Variants in BAZ2B observed in about 807,000 individuals in gnomAD.
BAZ2B encodes bromodomain adjacent to zinc finger domain protein 2B.
In BAZ2B, 91 loss-of-function variants were observed where a neutral mutation model predicts 246.0. The observed-to-expected ratio is 0.37, with a 90% CI of 0.31 to 0.44. The LOEUF is 0.44. Ranked by LOEUF, BAZ2B falls within the 20% of genes least tolerant of loss-of-function variation. The pLI, the probability that BAZ2B is intolerant of heterozygous loss-of-function variation, is 1.00. For synonymous variants in BAZ2B, 855 were observed against 860.0 expected (o/e 0.99, Z 0.10); for missense variants, 2,332 against 2,533.7 (o/e 0.92, Z 1.71).
intron 2 of BAZ2B, among the ~76,000 whole-genome samples, chr2:159,524,922 T>A (rs764511686): frequency 3.9e-4 from 60 of 151,900 alleles, no homozygotes; most frequent in Non-Finnish European, 7.7e-4. Flanking sequence ...ATAAAATAAA[T>A]ACATGGTAGT....
intron 1 of BAZ2B, among the ~76,000 whole-genome samples, chr2:159,593,509 C>T (rs4665089): frequency 0.24 from 36,621 of 152,120 alleles, 5,615 homozygotes; most frequent in Admixed American, 0.38. Flanking sequence ...CACTTATCCA[C>T]ATTTTCACTG....
chr2:159,581,375 C>A (rs1425774787), intron 1 of BAZ2B, among the ~76,000 whole-genome samples: 1 of 152,150 alleles, frequency 6.6e-6, no homozygotes, highest in Middle Eastern at 3.2e-3. Context: ...CTATGAGATA[C>A]CATCTCATGC....
At chr2:159,582,308 A>C (rs911568548) in intron 1 of BAZ2B, among the ~76,000 whole-genome samples, 1 of 152,240 alleles carries the variant, frequency 6.6e-6, no homozygotes, top group African/African-American at 2.4e-5. Flanking sequence ...AAGGGAATAT[A>C]TTTACTTTAT....
At chr2:159,688,749 G>C in the BAZ2B span, among the ~76,000 whole-genome samples, 1 of 152,090 alleles carries the variant, frequency 6.6e-6, no homozygotes, top group East Asian at 1.9e-4. Context: ...TCATGACCTT[G>C]ACATTTTTGA....
At chr2:159,361,956 G>T (rs1001423646) in intron 27 of BAZ2B, among the ~76,000 whole-genome samples, 3 of 151,732 alleles carry the variant, frequency 2.0e-5, no homozygotes, top group South Asian at 2.1e-4. Context: ...GGCCTGTCGG[G>T]GGGGTGAGGG....
intron 6 of BAZ2B, among the ~76,000 whole-genome samples, chr2:159,443,054 T>C (rs541519030): frequency 6.6e-6 from 1 of 152,334 alleles, no homozygotes; most frequent in African/African-American, 2.4e-5. Context: ...TACCCAGAAG[T>C]AGAATTGCAG....
chr2:159,509,896 T>TACTAGTGTATGTATACAC (rs1438131020), intron 2 of BAZ2B, among the ~76,000 whole-genome samples: 1 of 152,122 alleles, frequency 6.6e-6, no homozygotes, highest in African/African-American at 2.4e-5. Context: ...CATTTATACA[T>TACTAGTGTATGTATACAC]ACTAGTGTGT....
intron 31 of BAZ2B, among the ~76,000 whole-genome samples, chr2:159,340,593 C>T (rs772924411): frequency 4.6e-5 from 7 of 151,696 alleles, no homozygotes; most frequent in Non-Finnish European, 1.0e-4. Context: ...CAGCAGAAAC[C>T]TTGTAGGCCA....
chr2:159,700,602 C>T, the BAZ2B span, among the ~76,000 whole-genome samples: 185 of 152,238 alleles, frequency 1.2e-3, 1 homozygote, highest in Non-Finnish European at 9.1e-4. Flanking sequence ...CGTGCCACCA[C>T]GCCTGGCTAA....
chr2:159,582,066 A>T (rs1686939247), intron 1 of BAZ2B, among the ~76,000 whole-genome samples: 1 of 150,492 alleles, frequency 6.6e-6, no homozygotes, highest in African/African-American at 2.4e-5. Flanking sequence ...CTTAAAGTAT[A>T]AAAAAAATGC....
chr2:159,543,281 C>T (rs1018606122), intron 2 of BAZ2B, among the ~76,000 whole-genome samples: 2 of 151,900 alleles, frequency 1.3e-5, no homozygotes, highest in Admixed American at 1.3e-4. Context: ...TTTTTGTTTG[C>T]AGAAGTATGA....
At chr2:159,331,158 T>C (rs1387305383) in intron 34 of BAZ2B, among the ~76,000 whole-genome samples, 1 of 152,004 alleles carries the variant, frequency 6.6e-6, no homozygotes, top group Non-Finnish European at 1.5e-5. Flanking sequence ...GTGGGAAAAT[T>C]TGCTTAGTTA....
chr2:159,384,132 T>C (rs1169906570), intron 23 of BAZ2B, among the ~76,000 whole-genome samples: 4 of 152,058 alleles, frequency 2.6e-5, no homozygotes, highest in Non-Finnish European at 5.9e-5. Flanking sequence ...AAGAATATTA[T>C]GATATTCTTT....
At chr2:159,477,752 A>G (rs1483930627) in intron 3 of BAZ2B, among the ~76,000 whole-genome samples, 1 of 152,248 alleles carries the variant, frequency 6.6e-6, no homozygotes, top group Non-Finnish European at 1.5e-5. Context: ...CCTTTGTAAA[A>G]GAACCAAGAG....
the BAZ2B span, among the ~76,000 whole-genome samples, chr2:159,691,367 G>T: frequency 6.6e-6 from 1 of 152,038 alleles, no homozygotes; most frequent in Admixed American, 6.6e-5. Context: ...ATTGACCAGA[G>T]GCCTTACCTA....
chr2:159,346,892 G>A (rs905832370), intron 31 of BAZ2B, among the ~76,000 whole-genome samples: 39 of 152,142 alleles, frequency 2.6e-4, no homozygotes, highest in African/African-American at 8.2e-4. Flanking sequence ...CCAGGAGATA[G>A]ATGAGGGAAT....
intron 8 of BAZ2B, chr2:159,434,628 A>T (rs2071845145): frequency 6.6e-6 from 1 of 152,112 alleles, no homozygotes. Context: ...TCTTCCTAAG[A>T]CATTGCTCAG....
rs371482459 is a variant in BAZ2B, at chr2:159,347,592, A to G, written c.5348T>C (p.Val1783Ala). Residue 1783 changes from valine to alanine, a missense_variant, in exon 31 of 37, where the codon GTG (valine) becomes GCG (alanine). Physicochemically the swap from Val to Ala is moderately conservative, Grantham distance 64. Coordinates refer to ENST00000392783, the MANE Select transcript of BAZ2B (RefSeq NM_013450.4). Reference sequence around the variant, plus strand: ...TTGTTCTTCTACTGACCAGTTCTCCACAATATCTCGAGTTACTTGGTTTTC... The same window carrying G: ...TTGTTCTTCTACTGACCAGTTCTCCGCAATATCTCGAGTTACTTGGTTTTC... ...NEENQVTRDI[V>A]ENWSVEEQAM... The G allele has an allele frequency of 6.2e-7, 1 of 1,612,990 alleles. No individual in the cohort carries two copies. Among genetic ancestry groups the G allele is most frequent in the East Asian group, 2.2e-5 (1 of 44,810 alleles).
At chr2:159,642,490 C>T in the BAZ2B span, among the ~76,000 whole-genome samples, 2 of 151,982 alleles carry the variant, frequency 1.3e-5, no homozygotes, top group Admixed American at 6.6e-5. Flanking sequence ...CCACCCGCCT[C>T]GGCCTCCCAA....
Sources: allele counts gnomAD v4.1 joint callset (sites outside exome capture counted in the v4.1 genomes callset), GRCh38; gene constraint gnomAD v4.1.1; transcripts MANE v1.5; gene names NCBI Gene and HGNC (gene_info 2026-07-23, HGNC 2026-07-21).